Variants in DNAI2 observed in about 807,000 individuals in gnomAD.
The protein encoded by DNAI2 is dynein, axonemal, intermediate polypeptide 2.
Under a neutral mutation model 74.7 loss-of-function variants are expected in DNAI2, and 63 were observed. The observed-to-expected ratio is 0.84, with a 90% CI of 0.69 to 1.04. The LOEUF (loss-of-function observed/expected upper bound fraction) is 1.04. Ranked by LOEUF, DNAI2 falls within the 50% of genes least tolerant of loss-of-function variation. The pLI, the probability that DNAI2 is intolerant of heterozygous loss-of-function variation, is 0.00. For synonymous variants in DNAI2, 289 were observed against 314.9 expected (o/e 0.92, Z 0.87); for missense variants, 688 against 803.2 (o/e 0.86, Z 1.73).
At chr17:74,277,665 G>C (rs2051177416) in intron 1 of DNAI2, among the ~76,000 whole-genome samples, 1 of 152,252 alleles carries the variant, frequency 6.6e-6, no homozygotes, top group Admixed American at 6.5e-5. Flanking sequence ...CCACTGGTCT[G>C]GTGCCTTGTA....
rs531392212 is a variant in DNAI2, at chr17:74,289,098, G to A, written c.468-496G>A. Among the ~76,000 whole-genome samples, 32 of 152,348 alleles carry A rather than the reference G, an allele frequency of 2.1e-4. No individual in the cohort carries two copies. The South Asian group carries it at 6.2e-3, about 30-fold the overall frequency. On this transcript the variant is annotated intron_variant, in intron 4 of 13. Coordinates refer to ENST00000311014, the MANE Select transcript of DNAI2 (RefSeq NM_023036.6). ...GGCAGGGCTGACTCATGGTGTGCAA[G>A]CAGGGCCAGTGGCTGTCAGCAAGGG...
At chr17:74,287,899 G>A (rs1432845867) in intron 4 of DNAI2, among the ~76,000 whole-genome samples, 2 of 150,790 alleles carry the variant, frequency 1.3e-5, no homozygotes, top group African/African-American at 4.9e-5. Flanking sequence ...AGGTTGCAGT[G>A]AGCCGAGATC....
At position 74,309,398 on chromosome 17, in the gene DNAI2, A is replaced by G. The variant is rs1283195124; in HGVS notation, c.1347+10A>G. On this transcript the variant is annotated intron_variant, in intron 10 of 13. Transcript: ENST00000311014. ...CACCCTCAGCTTGAAGGTCACGCGC[A>G]TGTCCCTCCTTGTGCATCCAGGTCC... The G allele has an allele frequency of 6.2e-7, 1 of 1,614,128 alleles. No individual in the cohort carries two copies. The highest frequency in any genetic ancestry group is 8.5e-7 in the Non-Finnish European group (1 of 1,180,010).
At chr17:74,289,318 C>T (rs1015328299) in intron 4 of DNAI2, among the ~76,000 whole-genome samples, 3 of 152,142 alleles carry the variant, frequency 2.0e-5, no homozygotes, top group Non-Finnish European at 1.5e-5. Flanking sequence ...TCTGAGGTCA[C>T]GAGTTTGAGA....
chr17:74,313,214 C>T lies in DNAI2; in HGVS notation c.1723-907C>T, dbSNP rs186582161. 2.6e-4 allele frequency among the ~76,000 whole-genome samples: 40 copies of T among 152,238 alleles called. 1 individual carries two copies. The East Asian group carries it at 4.1e-3, about 15-fold the overall frequency. On this transcript the variant is annotated intron_variant, in intron 12 of 13. Coordinates refer to ENST00000311014, the MANE Select transcript of DNAI2 (RefSeq NM_023036.6). Reference sequence around the variant, plus strand: ...TTGGTCCCTGATAGAGTGGACAGAGCGAAGGATGGTGCATGAGCACACAGG... The same window carrying T: ...TTGGTCCCTGATAGAGTGGACAGAGTGAAGGATGGTGCATGAGCACACAGG...
intron 6 of DNAI2, among the ~76,000 whole-genome samples, chr17:74,293,843 G>A (rs1279690949): frequency 1.3e-5 from 2 of 151,704 alleles, no homozygotes; most frequent in African/African-American, 4.8e-5. Flanking sequence ...GAGTGCAGTG[G>A]CGTGATCTCG....
intron 4 of DNAI2, among the ~76,000 whole-genome samples, chr17:74,287,725 C>T (rs1441287398): frequency 2.0e-5 from 3 of 152,146 alleles, no homozygotes; most frequent in East Asian, 1.9e-4. Context: ...GAGGCCAAGG[C>T]GGGTGCATCA....
intron 8 of DNAI2, among the ~76,000 whole-genome samples, chr17:74,301,374 A>C (rs112963616): frequency 1.5e-4 from 23 of 152,312 alleles, no homozygotes; most frequent in Middle Eastern, 3.4e-3. Context: ...AGGACACCAT[A>C]GTCATCATGG....
At position 74,297,785 on chromosome 17, in the gene DNAI2, G is replaced by A. The variant is rs58528569; in HGVS notation, c.725-1933G>A. ...GCTCTGTTCCCCTGAACCTGGAGTCGCCAGACACCCAACCCATGACTACAC... is the reference window on the plus strand; with the variant it reads ...GCTCTGTTCCCCTGAACCTGGAGTCACCAGACACCCAACCCATGACTACAC... On this transcript the variant is annotated intron_variant, in intron 6 of 13. Coordinates refer to ENST00000311014, the MANE Select transcript of DNAI2 (RefSeq NM_023036.6). Among the ~76,000 whole-genome samples the A allele has an allele frequency of 9.1e-3, 1,379 of 151,700 alleles. 18 individuals carry two copies. Among genetic ancestry groups the A allele is most frequent in the African/African-American group, 0.032 (1,315 of 41,316 alleles).
intron 6 of DNAI2, among the ~76,000 whole-genome samples, chr17:74,297,092 G>A (rs1184762415): frequency 6.6e-6 from 1 of 152,058 alleles, no homozygotes; most frequent in Non-Finnish European, 1.5e-5. Flanking sequence ...ATTTTTGTTT[G>A]TTTGTTTCTT....
chr17:74,306,090 T>C (rs963620179), intron 9 of DNAI2, among the ~76,000 whole-genome samples: 1 of 152,188 alleles, frequency 6.6e-6, no homozygotes, highest in African/African-American at 2.4e-5. Context: ...TTGCTCCTGC[T>C]CTCCCAGCTA....
Position 74,310,057 on chromosome 17 carries a change from A to G in DNAI2, c.1388A>G (p.Asn463Ser). Reference protein sequence around the residue: ...EALFCLRVQDNGCLIACGSQL... With the variant: ...EALFCLRVQDSGCLIACGSQL... ...CTCTTCTGCCTCCGGGTGCAGGACA[A>G]TGGGTGTCTCATCGCCTGCGGCTCC... The change falls in exon 11 of 14, where the codon AAT (asparagine) becomes AGT (serine). Residue 463 changes from asparagine (N) to serine (S), a missense_variant. Coordinates refer to ENST00000311014, the MANE Select transcript of DNAI2 (RefSeq NM_023036.6). 6.2e-7 allele frequency: 1 copy of G among 1,613,904 alleles called. No homozygotes were observed. The highest frequency in any genetic ancestry group is 8.5e-7 in the Non-Finnish European group (1 of 1,180,020).
At chr17:74,287,160 CA>C in intron 4 of DNAI2, 62 bp downstream of exon 4, 1 of 1,600,600 alleles carries the variant, frequency 6.2e-7, no homozygotes, top group South Asian at 1.1e-5. Flanking sequence ...TGGGCGCCTC[CA>C]AAGGCAACTC....
intron 8 of DNAI2, among the ~76,000 whole-genome samples, chr17:74,304,186 C>CTTTTTTTTTTTTTTTTTTT (rs56696514): frequency 8.6e-4 from 58 of 67,658 alleles, no homozygotes; most frequent in East Asian, 1.8e-3. Flanking sequence ...TTTCTTTTTT[C>CTTTTTTTTTTTTTTTTTTT]TTTTTTTTTT....
At chr17:74,299,909 G>A (rs949417853) in intron 7 of DNAI2, 52 bp downstream of exon 7, 11 of 1,608,968 alleles carry the variant, frequency 6.8e-6, no homozygotes, top group Admixed American at 3.3e-5. Context: ...GGCAGTAACT[G>A]TTCCCTGGTT....
Position 74,285,059 on chromosome 17 carries a change from A to G in DNAI2, c.203A>G (p.Glu68Gly). 1 of 1,614,188 alleles carries G rather than the reference A, an allele frequency of 6.2e-7. No individual in the cohort carries two copies. Among genetic ancestry groups the G allele is most frequent in the South Asian group, 1.1e-5 (1 of 91,086 alleles). Residue 68 changes from glutamate to glycine, a missense_variant, in exon 3 of 14, where the codon GAG becomes GGG. Coordinates refer to ENST00000311014, the MANE Select transcript of DNAI2 (RefSeq NM_023036.6). Reference sequence around the variant, plus strand: ...GTTTAGGCCAACTCAGAGCGGTTTGAGATGGAGACCCGGGGAGTTAACCAT... The same window carrying G: ...GTTTAGGCCAACTCAGAGCGGTTTGGGATGGAGACCCGGGGAGTTAACCAT... ...SEHEANSERF[E>G]METRGVNHVE...
intron 11 of DNAI2, among the ~76,000 whole-genome samples, chr17:74,310,829 C>G (rs142497825): frequency 1.3e-5 from 2 of 152,056 alleles, no homozygotes; most frequent in South Asian, 4.2e-4. Context: ...CGTGAGCCAC[C>G]GTGCCCAGCC....
At chr17:74,284,933 C>A in intron 2 of DNAI2, 107 bp from the exon 3 acceptor site, 1 of 1,463,478 alleles carries the variant, frequency 6.8e-7, no homozygotes, top group South Asian at 1.1e-5. Context: ...GCCAGGGCGC[C>A]TCAGCATCCA....
At chr17:74,288,210 A>G (rs2051867284) in intron 4 of DNAI2, among the ~76,000 whole-genome samples, 1 of 152,222 alleles carries the variant, frequency 6.6e-6, no homozygotes, top group Admixed American at 6.5e-5. Context: ...TATTCAGAAA[A>G]TTACATGAGC....
Sources: gnomAD v4.1 joint callset for allele counts (sites outside exome capture counted in the v4.1 genomes callset) on GRCh38, gnomAD v4.1.1 for gene constraint, MANE v1.5 for transcripts, NCBI Gene and HGNC (gene_info 2026-07-23, HGNC 2026-07-21) for gene names.